Variants in RELN observed in about 807,000 individuals in gnomAD.
RELN encodes the protein reelin.
A neutral mutation model predicts 427.6 loss-of-function variants in RELN; 108 were observed. That is an observed-to-expected ratio of 0.25 (90% CI 0.22 to 0.30). The LOEUF is 0.30. Ranked by LOEUF, RELN falls within the 10% of genes least tolerant of loss-of-function variation. The pLI, the probability that RELN is intolerant of heterozygous loss-of-function variation, is 1.00. For missense variants in RELN, 3,715 were observed against 4,302.8 expected (o/e 0.86, Z 3.82); for synonymous variants, 1,524 against 1,513.4 (o/e 1.01, Z -0.16).
At chr7:103,905,475 A>T (rs993613185) in intron 2 of RELN, among the ~76,000 whole-genome samples, 1 of 152,172 alleles carries the variant, frequency 6.6e-6, no homozygotes, top group Non-Finnish European at 1.5e-5. Context: ...ATGGACAAAT[A>T]TAGATTTAGA....
intron 3 of RELN, among the ~76,000 whole-genome samples, chr7:103,820,299 T>C (rs1584267256): frequency 6.6e-6 from 1 of 152,128 alleles, no homozygotes; most frequent in South Asian, 2.1e-4. Flanking sequence ...AGACTTGATG[T>C]TTTCACCTAA....
intron 2 of RELN, among the ~76,000 whole-genome samples, chr7:103,895,405 CCT>C (rs1794938619): frequency 6.6e-6 from 1 of 152,086 alleles, no homozygotes; most frequent in Non-Finnish European, 1.5e-5. Context: ...GTCATTTCTG[CCT>C]AGTTTACCAT....
At chr7:103,777,597 T>C (rs1302395878) in intron 3 of RELN, among the ~76,000 whole-genome samples, 1 of 152,178 alleles carries the variant, frequency 6.6e-6, no homozygotes, top group Non-Finnish European at 1.5e-5. Context: ...GTATTCCCCC[T>C]TGATATGCGT....
intron 24 of RELN, among the ~76,000 whole-genome samples, chr7:103,598,080 G>A (rs988630038): frequency 1.3e-5 from 2 of 152,146 alleles, no homozygotes; most frequent in African/African-American, 4.8e-5. Flanking sequence ...AATCCACTAA[G>A]TTAATTAAGA....
chr7:103,755,857 A>T (rs1264232548), intron 4 of RELN, among the ~76,000 whole-genome samples: 5 of 150,354 alleles, frequency 3.3e-5, no homozygotes, highest in Non-Finnish European at 5.9e-5. Context: ...TACCATGCCT[A>T]ACGTTAGCTA....
At chr7:103,502,057 C>T (rs780860273) in intron 52 of RELN, among the ~76,000 whole-genome samples, 4 of 152,190 alleles carry the variant, frequency 2.6e-5, no homozygotes, top group African/African-American at 9.6e-5. Context: ...TAAGGAGGAA[C>T]GCTGTCCCTG....
At chr7:103,867,448 T>C (rs550882611) in intron 2 of RELN, among the ~76,000 whole-genome samples, 7 of 152,256 alleles carry the variant, frequency 4.6e-5, no homozygotes, top group African/African-American at 1.7e-4. Flanking sequence ...GTGCTACTTT[T>C]TGTTTTGGAA....
intron 20 of RELN, among the ~76,000 whole-genome samples, chr7:103,614,559 A>C (rs1832037473): frequency 6.6e-6 from 1 of 151,892 alleles, no homozygotes; most frequent in Middle Eastern, 3.4e-3. Flanking sequence ...TTAGATAAAG[A>C]CCTCTCTGCT....
chr7:103,544,907 A>G (rs748581336), intron 42 of RELN, among the ~76,000 whole-genome samples: 4 of 152,218 alleles, frequency 2.6e-5, no homozygotes, highest in Non-Finnish European at 5.9e-5. Flanking sequence ...GTTTTTCTCA[A>G]TAAAGGTCTT....
chr7:103,631,286 C>CTTCTT (rs1315698333), intron 19 of RELN, among the ~76,000 whole-genome samples: 1 of 77,812 alleles, frequency 1.3e-5, no homozygotes, highest in East Asian at 4.2e-4. Flanking sequence ...AAAAACACTT[C>CTTCTT]TTTTTTTTTT....
intron 10 of RELN, among the ~76,000 whole-genome samples, chr7:103,684,062 G>T (rs551106002): frequency 6.6e-6 from 1 of 152,258 alleles, no homozygotes; most frequent in African/African-American, 2.4e-5. Context: ...AGTATACTGG[G>T]CCTGTAAAAC....
At position 103,564,857 on chromosome 7, in the gene RELN, A is replaced by T. The variant is rs914075809; in HGVS notation, c.5210+421T>A. ...TGAAATGCTGGGGAGGGGAAGACAGATGCAAAACAATATGAGCATTCCAAA... is the reference window on the plus strand; with the variant it reads ...TGAAATGCTGGGGAGGGGAAGACAGTTGCAAAACAATATGAGCATTCCAAA... On this transcript the variant is annotated intron_variant, in intron 34 of 64. Coordinates refer to ENST00000428762, the MANE Select transcript of RELN (RefSeq NM_005045.4). Among the ~76,000 whole-genome samples the T allele has an allele frequency of 3.3e-4, 50 of 152,174 alleles. 1 individual carries two copies. Among genetic ancestry groups the T allele is most frequent in the Non-Finnish European group, 5.9e-5 (4 of 68,038 alleles).
At position 103,988,043 on chromosome 7, in the gene RELN, G is replaced by C. The variant is rs920333087; in HGVS notation, c.226+1088C>G. On this transcript the variant is annotated intron_variant, in intron 1 of 64. Transcript: ENST00000428762. The surrounding 1 kb of genome is among the most constrained non-coding windows in gnomAD (Gnocchi z 4.9). ...CACCCCGTAGATTATCTCCCGCCAT[G>C]CCAATGATTGTTAGCCTATTAGAGA... is the stretch of plus-strand genomic sequence containing the variant. 1.3e-5 allele frequency among the ~76,000 whole-genome samples: 2 copies of C among 152,118 alleles called. No homozygotes were observed. The highest frequency in any genetic ancestry group is 4.8e-5 in the African/African-American group (2 of 41,412).
chr7:103,788,856 CA>C (rs1165218907), intron 3 of RELN, among the ~76,000 whole-genome samples: 6 of 152,038 alleles, frequency 3.9e-5, no homozygotes, highest in Non-Finnish European at 5.9e-5. Flanking sequence ...CATATGGAAC[CA>C]AAAAGGAGCC....
intron 2 of RELN, 147 bp downstream of exon 2, chr7:103,916,928 C>G: frequency 1.4e-6 from 1 of 705,350 alleles, no homozygotes; most frequent in Non-Finnish European, 2.5e-6. Context: ...CACCCAACAT[C>G]AAGCAAACAC....
At position 103,542,875 on chromosome 7, in the gene RELN, T is replaced by C; in HGVS notation, c.6527A>G (p.Gln2176Arg). 2 of 1,614,134 alleles carry C rather than the reference T, an allele frequency of 1.2e-6. No homozygotes were observed. The highest frequency in any genetic ancestry group is 1.7e-6 in the Non-Finnish European group (2 of 1,180,008). The change falls in exon 43 of 65, where the codon CAG becomes CGG. Residue 2176 changes from glutamine to arginine, a missense_variant. Coordinates refer to ENST00000428762, the MANE Select transcript of RELN (RefSeq NM_005045.4). ...TAATAAGAATCTATCAGATTCTAGC[T>C]GACCTGAAAAAATTGGAAAATATGG... ...PDFLKDDFEGQLESDRFLLMS... is the reference protein window; with the variant it reads ...PDFLKDDFEGRLESDRFLLMS...
At position 103,645,503 on chromosome 7, in the gene RELN, CT is replaced by C. The variant is rs573563108; in HGVS notation, c.2002+4770del. ...CTATACTTATCTAAGATAAAACAGA[CT>C]TTAAATCAACAAGAAAAAAATAAGA... On this transcript the variant is annotated intron_variant, in intron 16 of 64. Coordinates refer to ENST00000428762, the MANE Select transcript of RELN (RefSeq NM_005045.4). Among the ~76,000 whole-genome samples, 189 of 151,770 alleles carry C rather than the reference CT, an allele frequency of 1.2e-3. 2 individuals are homozygous for C. Among genetic ancestry groups the C allele is most frequent in the African/African-American group, 4.4e-3 (182 of 41,476 alleles).
intron 11 of RELN, among the ~76,000 whole-genome samples, chr7:103,674,184 A>C (rs1833459096): frequency 6.6e-6 from 1 of 152,120 alleles, no homozygotes; most frequent in Non-Finnish European, 1.5e-5. Context: ...ATTCAGGAAA[A>C]AAATCCATTA....
chr7:103,633,719 T>C (rs770504661), intron 19 of RELN, among the ~76,000 whole-genome samples: 17 of 152,154 alleles, frequency 1.1e-4, no homozygotes, highest in Non-Finnish European at 1.8e-4. Flanking sequence ...AATTTCATGA[T>C]ATAGATTGAT....
Sources: gnomAD v4.1 joint callset for allele counts (sites outside exome capture counted in the v4.1 genomes callset) on GRCh38, gnomAD v4.1.1 for gene constraint, Gnocchi (gnomAD v3.1) non-coding constraint, MANE v1.5 for transcripts, NCBI Gene and HGNC (gene_info 2026-07-23, HGNC 2026-07-21) for gene names.